SUGCT: variants seen among roughly 807,000 people sequenced by gnomAD.
SUGCT encodes the protein succinyl-CoA:glutarate-CoA transferase.
SUGCT carries 41 observed loss-of-function variants against 55.0 expected under a neutral mutation model. The observed-to-expected ratio is 0.74, with a 90% confidence interval of 0.58 to 0.97. The LOEUF (loss-of-function observed/expected upper bound fraction) is 0.97. SUGCT is among the 50% of genes least tolerant of loss of function. The pLI, the probability that SUGCT is intolerant of heterozygous loss-of-function variation, is 0.00. For missense variants in SUGCT, 568 were observed against 547.8 expected, an observed-to-expected ratio of 1.04 and a Z score of -0.37; for synonymous variants, 187 against 200.4, an observed-to-expected ratio of 0.93 and a Z score of 0.56.
intron 12 of SUGCT, among the ~76,000 whole-genome samples, chr7:40,518,078 A>G (rs1793343565): frequency 6.6e-6 from 1 of 152,138 alleles, no homozygotes; most frequent in Admixed American, 6.6e-5. Context: ...GGTGGTGGAC[A>G]CAGAACTTTA....
chr7:40,491,912 C>T (rs1218207183), intron 11 of SUGCT, among the ~76,000 whole-genome samples: 1 of 152,018 alleles, frequency 6.6e-6, no homozygotes, highest in African/African-American at 2.4e-5. Context: ...ATCGCTTGAA[C>T]CTGGGAGGTC....
At chr7:40,975,098 G>T in the SUGCT span, among the ~76,000 whole-genome samples, 1 of 152,142 alleles carries the variant, frequency 6.6e-6, no homozygotes, top group Admixed American at 6.5e-5. Context: ...AATCTGAGGT[G>T]ACTCTAGTGT....
At chr7:40,798,954 AC>A (rs902618969) in intron 13 of SUGCT, among the ~76,000 whole-genome samples, 1 of 152,138 alleles carries the variant, frequency 6.6e-6, no homozygotes, top group African/African-American at 2.4e-5. Context: ...AAGCTAAACT[AC>A]CCCAGTGCCA....
At position 40,294,588 on chromosome 7, in the gene SUGCT, G is replaced by T. The variant is rs117337474; in HGVS notation, c.720+19932G>T. On this transcript the variant is annotated intron_variant, in intron 8 of 13. Transcript: ENST00000335693. The stretch of plus-strand genomic sequence containing the variant: ...AGACGGAGTTTCACTCTGCCACCCA[G>T]GCTGGAGTGCAGTGGCATTGTGATC... Among the ~76,000 whole-genome samples the T allele has an allele frequency of 8.6e-3, 1,311 of 152,266 alleles. 8 individuals are homozygous for T. The highest frequency in any genetic ancestry group is 0.014 in the Non-Finnish European group (926 of 68,012).
At chr7:40,929,376 A>G in the SUGCT span, among the ~76,000 whole-genome samples, 1,836 of 152,306 alleles carry the variant, frequency 0.012, 30 homozygotes, top group African/African-American at 0.042. Context: ...TAATGCCGCA[A>G]TAAACACACG....
intron 12 of SUGCT, among the ~76,000 whole-genome samples, chr7:40,564,513 T>A (rs1407913376): frequency 3.3e-5 from 5 of 152,266 alleles, no homozygotes; most frequent in African/African-American, 7.2e-5. Flanking sequence ...AGGAAAGGAA[T>A]GTACTTGAAA....
At chr7:40,892,242 G>GT in the SUGCT span, among the ~76,000 whole-genome samples, 5 of 152,086 alleles carry the variant, frequency 3.3e-5, no homozygotes, top group East Asian at 7.7e-4. Flanking sequence ...AAAGTGTAGA[G>GT]TTTTTATATG....
intron 12 of SUGCT, among the ~76,000 whole-genome samples, chr7:40,675,677 G>T (rs118075817): frequency 5.3e-5 from 8 of 152,158 alleles, no homozygotes; most frequent in African/African-American, 1.7e-4. Context: ...ATGCAGAGGT[G>T]CTTTCGGCTG....
chr7:40,994,345 G>A, the SUGCT span, among the ~76,000 whole-genome samples: 1 of 152,162 alleles, frequency 6.6e-6, no homozygotes, highest in Admixed American at 6.5e-5. Flanking sequence ...AAAATCTAAT[G>A]TATGGATGGA....
chr7:40,615,888 A>T (rs188389685), intron 12 of SUGCT, among the ~76,000 whole-genome samples: 1 of 152,172 alleles, frequency 6.6e-6, no homozygotes, highest in Non-Finnish European at 1.5e-5. Context: ...GGAAAGTAAA[A>T]TAAGTGATTA....
chr7:40,733,402 T>C (rs1786997156), intron 12 of SUGCT, among the ~76,000 whole-genome samples: 1 of 152,132 alleles, frequency 6.6e-6, no homozygotes, highest in Non-Finnish European at 1.5e-5. Flanking sequence ...CTCCTTAATC[T>C]CCTGGCCTAG....
intron 10 of SUGCT, among the ~76,000 whole-genome samples, chr7:40,454,089 A>G (rs1210892606): frequency 2.6e-5 from 4 of 152,152 alleles, no homozygotes; most frequent in Non-Finnish European, 4.4e-5. Flanking sequence ...AGATCAATAG[A>G]AATTATTCAA....
chr7:40,605,901 T>G (rs1245445053), intron 12 of SUGCT, among the ~76,000 whole-genome samples: 1 of 152,004 alleles, frequency 6.6e-6, no homozygotes, highest in Non-Finnish European at 1.5e-5. Context: ...GAGGCTGGAG[T>G]CCAAGGAGTG....
At position 40,763,948 on chromosome 7, in the gene SUGCT, T is replaced by C. The variant is rs141090644; in HGVS notation, c.1153+14451T>C. Reference sequence around the variant, plus strand: ...AATTCTTCTTCGGCTTGCGTGTTTATATGAAAATGCCAAAGCCACCAGCTG... The same window carrying C: ...AATTCTTCTTCGGCTTGCGTGTTTACATGAAAATGCCAAAGCCACCAGCTG... On this transcript the variant is annotated intron_variant, in intron 13 of 13. Coordinates refer to ENST00000335693, the MANE Select transcript of SUGCT (RefSeq NM_001193313.2). Among the ~76,000 whole-genome samples the C allele has an allele frequency of 6.4e-4, 97 of 152,264 alleles. 2 individuals are homozygous for C. The East Asian group carries it at 0.018, about 28-fold the overall frequency.
chr7:40,661,045 C>CT (rs1230126661), intron 12 of SUGCT, among the ~76,000 whole-genome samples: 2 of 152,182 alleles, frequency 1.3e-5, no homozygotes, highest in Non-Finnish European at 2.9e-5. Flanking sequence ...TGCAACTTTA[C>CT]TCACTGGACT....
At chr7:40,403,083 T>C (rs1439839057) in intron 9 of SUGCT, among the ~76,000 whole-genome samples, 7 of 152,224 alleles carry the variant, frequency 4.6e-5, no homozygotes, top group Non-Finnish European at 1.5e-5. Context: ...ATTCCTCATG[T>C]CCTATCTTTA....
chr7:40,335,642 T>C (rs1332477218), intron 9 of SUGCT, among the ~76,000 whole-genome samples: 2 of 152,060 alleles, frequency 1.3e-5, no homozygotes, highest in Admixed American at 1.3e-4. Context: ...CTTAAGGAGA[T>C]TTTGGGCTGA....
intron 7 of SUGCT, among the ~76,000 whole-genome samples, chr7:40,250,828 CTTTTTTT>C (rs67372014): frequency 4.1e-5 from 5 of 121,234 alleles, no homozygotes; most frequent in South Asian, 2.5e-4. Context: ...TTTCACGCTT[CTTTTTTT>C]TTTTTTTTTT....
At chr7:40,147,042 TTCTC>T (rs776056117) in intron 1 of SUGCT, among the ~76,000 whole-genome samples, 19 of 104,654 alleles carry the variant, frequency 1.8e-4, no homozygotes, top group Non-Finnish European at 2.9e-4. Context: ...CTGCCTCTCT[TTCTC>T]TCTCTTTCTT....
Sources: allele counts gnomAD v4.1 joint callset (sites outside exome capture counted in the v4.1 genomes callset), GRCh38; gene constraint gnomAD v4.1.1; transcripts MANE v1.5; gene names NCBI Gene and HGNC (gene_info 2026-07-23, HGNC 2026-07-21).